SUSD4: variants seen among roughly 807,000 people sequenced by gnomAD.
SUSD4 encodes the protein sushi domain containing 4, also known as sushi domain-containing protein 4.
In SUSD4, 41 loss-of-function variants were observed where a neutral mutation model predicts 50.5. The ratio of observed to expected loss-of-function variants is 0.81; its 90% CI spans 0.63 to 1.05. The LOEUF (loss-of-function observed/expected upper bound fraction) is 1.05. Ranked by LOEUF, SUSD4 falls within the 50% of genes least tolerant of loss-of-function variation. The pLI is 0.00. For synonymous variants in SUSD4, 257 were observed against 257.3 expected, an observed-to-expected ratio of 1.00 and a Z score of 0.01; for missense variants, 580 against 634.7, an observed-to-expected ratio of 0.91 and a Z score of 0.93.
chr1:223,310,533 T>C (rs1665811951), intron 2 of SUSD4, among the ~76,000 whole-genome samples: 1 of 152,066 alleles, frequency 6.6e-6, no homozygotes, highest in Non-Finnish European at 1.5e-5. Flanking sequence ...AGAAATACAA[T>C]ACAAAAGTGT....
intron 3 of SUSD4, among the ~76,000 whole-genome samples, chr1:223,280,318 C>G (rs953791517): frequency 1.3e-5 from 2 of 152,140 alleles, no homozygotes; most frequent in Non-Finnish European, 2.9e-5. Flanking sequence ...CAAGACCCAT[C>G]AATGTACTGT....
intron 2 of SUSD4, among the ~76,000 whole-genome samples, chr1:223,346,267 C>T (rs1668029217): frequency 6.6e-6 from 1 of 152,140 alleles, no homozygotes; most frequent in African/African-American, 2.4e-5. Context: ...CTTAAACATG[C>T]TCCTCCGTTC....
At chr1:223,244,255 C>T (rs537019491) in intron 5 of SUSD4, among the ~76,000 whole-genome samples, 1 of 152,326 alleles carries the variant, frequency 6.6e-6, no homozygotes. Flanking sequence ...GGGGATTAGA[C>T]AACCAGGAGT....
chr1:223,295,462 G>C (rs1013390547), intron 2 of SUSD4, among the ~76,000 whole-genome samples: 28 of 152,126 alleles, frequency 1.8e-4, no homozygotes, highest in African/African-American at 6.8e-4. Flanking sequence ...ATCAGTCAAT[G>C]GGTGGCCACA....
chr1:223,356,918 CTG>C (rs1668700682), intron 2 of SUSD4, among the ~76,000 whole-genome samples: 1 of 152,202 alleles, frequency 6.6e-6, no homozygotes, highest in African/African-American at 2.4e-5. Flanking sequence ...ATCTTGCAAA[CTG>C]TACTTGTCAA....
chr1:223,266,685 C>T (rs918067259), intron 4 of SUSD4, among the ~76,000 whole-genome samples: 5 of 152,346 alleles, frequency 3.3e-5, no homozygotes, highest in African/African-American at 1.2e-4. Flanking sequence ...TTTCCATTTG[C>T]ACTTCTAGAT....
At chr1:223,322,857 A>G (rs1470190745) in intron 2 of SUSD4, among the ~76,000 whole-genome samples, 6 of 152,240 alleles carry the variant, frequency 3.9e-5, no homozygotes, top group African/African-American at 1.4e-4. Context: ...TTTTGAAAAT[A>G]TTAAACTGAT....
chr1:223,286,194 C>A (rs1571976237), intron 3 of SUSD4, among the ~76,000 whole-genome samples: 1 of 152,120 alleles, frequency 6.6e-6, no homozygotes, highest in African/African-American at 2.4e-5. Context: ...CGGCTCACTG[C>A]AAGCTCCTCC....
rs1192494605 is a variant in SUSD4, at chr1:223,229,249, G to A, written c.864C>T (p.Thr288=). 1 of 1,612,752 alleles carries A rather than the reference G, an allele frequency of 6.2e-7. No individual in the cohort carries two copies. The highest frequency in any genetic ancestry group is 1.7e-5 in the Admixed American group (1 of 60,002). ...YSLTSDYKYI[T]CQYGEWFPSY... is the part of the protein sequence containing the mutation. ...AAGGAAACCACTCTCCATACTGGCA[G>A]GTGATGTACTTGTAGTCGCTGGTGA... Residue 288 remains threonine, a synonymous_variant, in exon 6 of 9, where the codon ACC becomes ACT. Transcript: ENST00000366878. The surrounding 1 kb of genome is among the most constrained non-coding windows in gnomAD (Gnocchi z 4.7).
At chr1:223,341,672 C>T (rs1435992570) in intron 2 of SUSD4, among the ~76,000 whole-genome samples, 1 of 152,182 alleles carries the variant, frequency 6.6e-6, no homozygotes, top group Non-Finnish European at 1.5e-5. Flanking sequence ...TCCCCCATGC[C>T]TCAGGCACCA....
chr1:223,307,155 C>A (rs1036517147), intron 2 of SUSD4, among the ~76,000 whole-genome samples: 6 of 152,212 alleles, frequency 3.9e-5, no homozygotes, highest in African/African-American at 1.4e-4. Flanking sequence ...GCCACCACAT[C>A]CAGCCAGTCT....
chr1:223,259,471 T>C (rs1206096434), intron 5 of SUSD4, among the ~76,000 whole-genome samples: 1 of 152,208 alleles, frequency 6.6e-6, no homozygotes, highest in Non-Finnish European at 1.5e-5. Context: ...TTCTGACCCT[T>C]GCAACCTGTC....
At chr1:223,322,871 T>C (rs1157517482) in intron 2 of SUSD4, among the ~76,000 whole-genome samples, 1 of 152,204 alleles carries the variant, frequency 6.6e-6, no homozygotes, top group Non-Finnish European at 1.5e-5. Context: ...AACTGATATG[T>C]TTTTCATTCC....
chr1:223,289,335 C>T (rs1316822263), intron 3 of SUSD4: 2 of 978,888 alleles, frequency 2.0e-6, no homozygotes, highest in South Asian at 9.5e-5. Flanking sequence ...AAAGTGAATT[C>T]ATTCAGTTCT....
chr1:223,347,271 T>C (rs1668085719), intron 2 of SUSD4, among the ~76,000 whole-genome samples: 1 of 152,214 alleles, frequency 6.6e-6, no homozygotes, highest in South Asian at 2.1e-4. Flanking sequence ...AGTCACCCTG[T>C]CGTGCTATAA....
At chr1:223,251,397 C>T (rs910482811) in intron 5 of SUSD4, among the ~76,000 whole-genome samples, 1 of 152,164 alleles carries the variant, frequency 6.6e-6, no homozygotes, top group African/African-American at 2.4e-5. Context: ...CAAGAACTCA[C>T]TCATCACCAA....
At chr1:223,300,227 C>G (rs542189253) in intron 2 of SUSD4, among the ~76,000 whole-genome samples, 44 of 152,258 alleles carry the variant, frequency 2.9e-4, no homozygotes, top group Admixed American at 1.8e-3. Context: ...ATTTTCCTGC[C>G]CAGCATTTGT....
chr1:223,341,157 A>G (rs536739417), intron 2 of SUSD4, among the ~76,000 whole-genome samples: 1 of 152,258 alleles, frequency 6.6e-6, no homozygotes, highest in East Asian at 1.9e-4. Flanking sequence ...GGTAACAAGA[A>G]CTGTGATGGT....
chr1:223,247,451 A>T (rs1661016824), intron 5 of SUSD4, among the ~76,000 whole-genome samples: 1 of 152,208 alleles, frequency 6.6e-6, no homozygotes, highest in Non-Finnish European at 1.5e-5. Context: ...GCGGATCAAT[A>T]TTCACTCAAT....
Sources: allele counts gnomAD v4.1 joint callset (sites outside exome capture counted in the v4.1 genomes callset), GRCh38; gene constraint gnomAD v4.1.1; non-coding constraint Gnocchi (gnomAD v3.1); transcripts MANE v1.5; gene names NCBI Gene and HGNC (gene_info 2026-07-23, HGNC 2026-07-21).